GRID2: variants seen among roughly 807,000 people sequenced by gnomAD.
The protein encoded by GRID2 is glutamate receptor ionotropic, delta-2.
A neutral mutation model predicts 114.8 loss-of-function variants in GRID2; 33 were observed. The observed-to-expected ratio is 0.29, with a 90% CI of 0.22 to 0.38. The LOEUF (loss-of-function observed/expected upper bound fraction) is 0.38. Among genes scored for constraint, GRID2 ranks in the 10% least tolerant of loss-of-function variants. The pLI, the probability that GRID2 is intolerant of heterozygous loss-of-function variation, is 1.00. For synonymous variants in GRID2, 505 were observed against 449.9 expected (o/e 1.12, Z -1.55); for missense variants, 1,184 against 1,257.7 (o/e 0.94, Z 0.89).
In GRID2 at chr4:92,631,700, A is replaced by C. The variant is rs79168848; in HGVS notation, c.244+41414A>C. On this transcript the variant is annotated intron_variant, in intron 2 of 15. Transcript: ENST00000282020. The stretch of plus-strand genomic sequence containing the variant: ...CATGTTTTTAACATTAAACAATTTT[A>C]CTTTCATATCTGTTTGCCTATCTTC... Among the ~76,000 whole-genome samples the C allele has an allele frequency of 4.7e-3, 709 of 152,234 alleles. 5 individuals are homozygous for C. Among genetic ancestry groups the C allele is most frequent in the African/African-American group, 0.016 (674 of 41,562 alleles).
At chr4:93,470,153 C>T (rs1234132088) in intron 11 of GRID2, among the ~76,000 whole-genome samples, 1 of 152,034 alleles carries the variant, frequency 6.6e-6, no homozygotes, top group Non-Finnish European at 1.5e-5. Context: ...TTTAGTAACA[C>T]AAACACATTT....
intron 12 of GRID2, among the ~76,000 whole-genome samples, chr4:93,496,810 G>A (rs1727592085): frequency 6.6e-6 from 1 of 151,710 alleles, no homozygotes; most frequent in African/African-American, 2.4e-5. Context: ...TCAAGTTTTG[G>A]GCTATTACAT....
chr4:93,644,371 A>T (rs920882798), intron 14 of GRID2, among the ~76,000 whole-genome samples: 1 of 152,110 alleles, frequency 6.6e-6, no homozygotes. Context: ...ATTTTTACCA[A>T]TGTTCCATGA....
chr4:92,945,492 A>G (rs1578561210), intron 2 of GRID2, among the ~76,000 whole-genome samples: 1 of 152,280 alleles, frequency 6.6e-6, no homozygotes, highest in Non-Finnish European at 1.5e-5. Context: ...TCATTGAGAT[A>G]CCAAGACAAT....
intron 2 of GRID2, among the ~76,000 whole-genome samples, chr4:92,881,005 C>A (rs1745968845): frequency 6.6e-6 from 1 of 152,066 alleles, no homozygotes; most frequent in Admixed American, 6.6e-5. Flanking sequence ...CGAGTTCAAG[C>A]GATTCTCCTG....
At chr4:93,625,243 C>G (rs1432965338) in intron 13 of GRID2, among the ~76,000 whole-genome samples, 2 of 152,296 alleles carry the variant, frequency 1.3e-5, no homozygotes, top group African/African-American at 4.8e-5. Context: ...GTCATAACCC[C>G]AAAGGCATAG....
intron 14 of GRID2, among the ~76,000 whole-genome samples, chr4:93,738,270 A>T (rs1034625064): frequency 6.6e-6 from 1 of 152,088 alleles, no homozygotes; most frequent in South Asian, 2.1e-4. Context: ...CATATCAAGG[A>T]CTTTATATTT....
chr4:92,871,541 T>C (rs1156843199), intron 2 of GRID2, among the ~76,000 whole-genome samples: 1 of 152,212 alleles, frequency 6.6e-6, no homozygotes, highest in Non-Finnish European at 1.5e-5. Flanking sequence ...TTATGCCAGC[T>C]GTACATTCAG....
intron 8 of GRID2, among the ~76,000 whole-genome samples, chr4:93,316,324 GA>G (rs1425590064): frequency 0.028 from 1,412 of 49,618 alleles, 18 homozygotes; most frequent in Non-Finnish European, 0.04. Flanking sequence ...AAGAAAGAAA[GA>G]AAGAAAGAAA....
At chr4:93,735,174 G>A (rs1252579405) in intron 14 of GRID2, among the ~76,000 whole-genome samples, 3 of 151,698 alleles carry the variant, frequency 2.0e-5, no homozygotes, top group African/African-American at 7.3e-5. Flanking sequence ...AAGACCAAAG[G>A]GAGAAAAAAT....
At chr4:93,044,991 A>T (rs1323322562) in intron 2 of GRID2, among the ~76,000 whole-genome samples, 1 of 152,050 alleles carries the variant, frequency 6.6e-6, no homozygotes. Context: ...AAGCTAGTGC[A>T]CTCCCTTATA....
intron 1 of GRID2, among the ~76,000 whole-genome samples, chr4:92,314,122 A>G (rs1054258717): frequency 6.6e-6 from 1 of 152,006 alleles, no homozygotes; most frequent in Non-Finnish European, 1.5e-5. Context: ...TCTTTTATAA[A>G]TTGGATCAAG....
At chr4:93,794,461 A>G (rs1029021927) in intron 1 of GRID2, among the ~76,000 whole-genome samples, 2 of 152,194 alleles carry the variant, frequency 1.3e-5, no homozygotes, top group Non-Finnish European at 2.9e-5. Flanking sequence ...CGACTTAGGG[A>G]AAGGAGCCGT....
intron 1 of GRID2, among the ~76,000 whole-genome samples, chr4:92,585,359 A>G (rs1728381176): frequency 6.6e-6 from 1 of 152,084 alleles, no homozygotes; most frequent in Non-Finnish European, 1.5e-5. Context: ...TTTATATGTT[A>G]GTCAAAATTA....
chr4:92,713,477 A>G (rs1180084831), intron 2 of GRID2, among the ~76,000 whole-genome samples: 1 of 10,904 alleles, frequency 9.2e-5, no homozygotes, highest in Admixed American at 9.4e-4. Flanking sequence ...ATACATATAC[A>G]TATATATATA....
At chr4:93,797,638 C>T (rs951577506) in intron 1 of GRID2, among the ~76,000 whole-genome samples, 1 of 152,018 alleles carries the variant, frequency 6.6e-6, no homozygotes, top group Non-Finnish European at 1.5e-5. Context: ...CCTTTCCTCC[C>T]CTCCTCCAAG....
intron 1 of GRID2, among the ~76,000 whole-genome samples, chr4:92,525,039 ACT>A (rs1451459241): frequency 1.3e-5 from 2 of 151,962 alleles, no homozygotes; most frequent in Admixed American, 1.3e-4. Flanking sequence ...TATTTTTTAT[ACT>A]CTCTCAGTAT....
chr4:93,037,742 A>T (rs1725057969), intron 2 of GRID2, among the ~76,000 whole-genome samples: 1 of 152,052 alleles, frequency 6.6e-6, no homozygotes, highest in Admixed American at 6.6e-5. Flanking sequence ...CAAAGATCAG[A>T]TGGTTGTAGA....
At chr4:93,094,974 A>G (rs2149333351) in intron 3 of GRID2, among the ~76,000 whole-genome samples, 1 of 152,148 alleles carries the variant, frequency 6.6e-6, no homozygotes, top group South Asian at 2.1e-4. Context: ...CTACCTTTAG[A>G]ATATAACAAA....
Sources: gnomAD v4.1 joint callset for allele counts (sites outside exome capture counted in the v4.1 genomes callset) on GRCh38, gnomAD v4.1.1 for gene constraint, MANE v1.5 for transcripts, NCBI Gene and HGNC (gene_info 2026-07-23, HGNC 2026-07-21) for gene names.